MED27: variants seen among roughly 807,000 people sequenced by gnomAD.
MED27 encodes mediator of RNA polymerase II transcription subunit 27.
MED27 carries 30 observed loss-of-function variants against 38.2 expected under a neutral mutation model. The observed-to-expected ratio is 0.79, with a 90% confidence interval of 0.59 to 1.07. MED27 has a LOEUF of 1.07. Ranked by LOEUF, MED27 falls within the 50% of genes least tolerant of loss-of-function variation. The probability of loss-of-function intolerance (pLI) is 0.00; values close to 1 mark genes in which losing one functional copy is unlikely to be tolerated. For missense variants in MED27, 289 were observed against 397.5 expected, an observed-to-expected ratio of 0.73 and a Z score of 2.32; for synonymous variants, 122 against 153.5, an observed-to-expected ratio of 0.79 and a Z score of 1.52.
At chr9:131,989,692 C>T (rs1355710387) in intron 3 of MED27, among the ~76,000 whole-genome samples, 1 of 151,842 alleles carries the variant, frequency 6.6e-6, no homozygotes, top group East Asian at 1.9e-4. Flanking sequence ...GTAGAGAGAA[C>T]CATACAATAA....
intron 4 of MED27, among the ~76,000 whole-genome samples, chr9:131,906,385 C>A (rs1213894680): frequency 6.6e-6 from 1 of 152,188 alleles, no homozygotes; most frequent in African/African-American, 2.4e-5. Flanking sequence ...ATGCCCAGTG[C>A]CGGAGCAGAG....
At chr9:132,021,113 C>G (rs1832708436) in intron 2 of MED27, among the ~76,000 whole-genome samples, 2 of 152,186 alleles carry the variant, frequency 1.3e-5, no homozygotes, top group South Asian at 4.1e-4. Context: ...TATTAGTGCT[C>G]AAATGTCCAA....
At position 132,077,598 on chromosome 9, in the gene MED27, A is replaced by G; in HGVS notation, c.204-12T>C. On this transcript the variant is annotated splice_polypyrimidine_tract_variant and intron_variant, in intron 1 of 7. Transcript: ENST00000292035. Reference sequence around the variant, plus strand: ...GACGTTCCAGCTCACTGAAAAGCAAAGAGACAAGGCAAATAAACCTAAGCC... The same window carrying G: ...GACGTTCCAGCTCACTGAAAAGCAAGGAGACAAGGCAAATAAACCTAAGCC... 6.2e-7 allele frequency: 1 copy of G among 1,614,116 alleles called. No individual in the cohort carries two copies. The highest frequency in any genetic ancestry group is 8.5e-7 in the Non-Finnish European group (1 of 1,179,998).
intron 3 of MED27, among the ~76,000 whole-genome samples, chr9:131,946,115 G>A (rs1830882731): frequency 6.6e-6 from 1 of 152,052 alleles, no homozygotes; most frequent in Non-Finnish European, 1.5e-5. Context: ...ATTCCACTGT[G>A]TATATACACC....
rs982535225 is a variant in MED27 at position 131,998,804 on chromosome 9, G to A, written c.479+15533C>T. On this transcript the variant is annotated intron_variant, in intron 3 of 7. Transcript: ENST00000292035. ...AGCCACACTTGGGAGGCACGTCCATGTTAACTGACAGGAAGAAGGAGGGAA... is the reference window on the plus strand; with the variant it reads ...AGCCACACTTGGGAGGCACGTCCATATTAACTGACAGGAAGAAGGAGGGAA... Among the ~76,000 whole-genome samples the A allele has an allele frequency of 7.2e-5, 11 of 152,170 alleles. No individual in the cohort carries two copies. In the East Asian group the frequency reaches 9.6e-4, roughly 13 times the overall value.
intron 2 of MED27, among the ~76,000 whole-genome samples, chr9:132,076,690 T>C (rs1834055255): frequency 6.6e-6 from 1 of 152,154 alleles, no homozygotes; most frequent in African/African-American, 2.4e-5. Context: ...TCCTAAAATA[T>C]ATATTCTAGT....
In MED27 at chr9:131,860,464, C is replaced by T; in HGVS notation, c.*74G>A. The T allele has an allele frequency of 2.1e-6, 3 of 1,447,938 alleles. No homozygotes were observed. The highest frequency in any genetic ancestry group is 2.7e-6 in the Non-Finnish European group (3 of 1,096,178). 89.7% of individuals were successfully genotyped at this position (1,447,938 alleles called of 1,614,324 possible). On this transcript the variant is annotated 3_prime_UTR_variant, in exon 8 of 8. Transcript: ENST00000292035. The surrounding 1 kb of genome is among the most constrained non-coding windows in gnomAD (Gnocchi z 5.8). ...ACACATCTGGGCAGTGAGGAACCAG[C>T]TGAGCCTTCTGTGGGCTTCCTGCGT... is the stretch of plus-strand genomic sequence containing the variant.
intron 3 of MED27, among the ~76,000 whole-genome samples, chr9:131,961,341 C>T (rs1279649753): frequency 6.6e-6 from 1 of 152,176 alleles, no homozygotes; most frequent in Non-Finnish European, 1.5e-5. Flanking sequence ...TAATCACATC[C>T]CAAACACAGA....
intron 2 of MED27, among the ~76,000 whole-genome samples, chr9:132,068,150 G>A (rs1201173259): frequency 1.3e-5 from 2 of 152,128 alleles, no homozygotes; most frequent in African/African-American, 4.8e-5. Context: ...GCCTGTGCTG[G>A]GGCTGCTAAC....
chr9:131,959,269 G>A (rs753757438), intron 3 of MED27, among the ~76,000 whole-genome samples: 3 of 124,694 alleles, frequency 2.4e-5, no homozygotes, highest in Non-Finnish European at 5.0e-5. Context: ...GACTAAATGC[G>A]TAAGGCATGG....
At chr9:131,962,456 C>G (rs1485344589) in intron 3 of MED27, among the ~76,000 whole-genome samples, 1 of 152,004 alleles carries the variant, frequency 6.6e-6, no homozygotes, top group Non-Finnish European at 1.5e-5. Context: ...CCAGGTTGCT[C>G]TTGAATTCCT....
intron 3 of MED27, among the ~76,000 whole-genome samples, chr9:131,981,049 A>G (rs912053144): frequency 8.5e-5 from 13 of 152,358 alleles, no homozygotes; most frequent in African/African-American, 2.6e-4. Context: ...TCAAGAGCTA[A>G]ATCTGGATGA....
chr9:132,044,947 T>C (rs1453909672), intron 2 of MED27, among the ~76,000 whole-genome samples: 1 of 152,160 alleles, frequency 6.6e-6, no homozygotes, highest in African/African-American at 2.4e-5. Flanking sequence ...GAGTTAAAAG[T>C]ATGAAATCAA....
intron 4 of MED27, among the ~76,000 whole-genome samples, chr9:131,915,285 T>A (rs1830268548): frequency 6.6e-6 from 1 of 152,176 alleles, no homozygotes; most frequent in South Asian, 2.1e-4. Flanking sequence ...ATAGCTTATT[T>A]TAAGGCAAAA....
At chr9:132,022,292 T>C (rs1241907283) in intron 2 of MED27, among the ~76,000 whole-genome samples, 1 of 152,230 alleles carries the variant, frequency 6.6e-6, no homozygotes, top group Admixed American at 6.5e-5. Context: ...CATATTATAC[T>C]TCTGGACTCA....
chr9:132,027,000 A>G (rs1484466830), intron 2 of MED27, among the ~76,000 whole-genome samples: 21 of 152,232 alleles, frequency 1.4e-4, no homozygotes, highest in Admixed American at 5.9e-4. Context: ...TGTAACCACT[A>G]CACTCAACTG....
intron 4 of MED27, among the ~76,000 whole-genome samples, chr9:131,924,472 A>G (rs1830448664): frequency 6.6e-6 from 1 of 152,086 alleles, no homozygotes; most frequent in Non-Finnish European, 1.5e-5. Flanking sequence ...AATTTTAGGG[A>G]TATTAGTCCT....
chr9:132,048,206 C>T (rs577702889), intron 2 of MED27, among the ~76,000 whole-genome samples: 79 of 152,214 alleles, frequency 5.2e-4, no homozygotes, highest in African/African-American at 1.9e-3. Flanking sequence ...TGCAAACATC[C>T]TTGACATTAT....
In MED27 at chr9:131,883,196, G is replaced by A. The variant is rs1355877742; in HGVS notation, c.723+862C>T. 6.6e-6 allele frequency among the ~76,000 whole-genome samples: 1 copy of A among 152,166 alleles called. No homozygotes were observed. Among genetic ancestry groups the A allele is most frequent in the African/African-American group, 2.4e-5 (1 of 41,422 alleles). Reference sequence around the variant, plus strand: ...TGCTGGGGAGTGGACACCTGTTGTTGAGCTGGATGAGGGAATGAATGAGAT... The same window carrying A: ...TGCTGGGGAGTGGACACCTGTTGTTAAGCTGGATGAGGGAATGAATGAGAT... On this transcript the variant is annotated intron_variant, in intron 6 of 7. Coordinates refer to ENST00000292035, the MANE Select transcript of MED27 (RefSeq NM_004269.4). The surrounding 1 kb of genome is among the most constrained non-coding windows in gnomAD (Gnocchi z 4.2).
Sources: gnomAD v4.1 joint callset for allele counts (sites outside exome capture counted in the v4.1 genomes callset) on GRCh38, gnomAD v4.1.1 for gene constraint, Gnocchi (gnomAD v3.1) non-coding constraint, MANE v1.5 for transcripts, NCBI Gene and HGNC (gene_info 2026-07-23, HGNC 2026-07-21) for gene names.